PDE8B: variants seen among roughly 807,000 people sequenced by gnomAD.
The protein encoded by PDE8B is phosphodiesterase 8B.
PDE8B carries 26 observed loss-of-function variants against 101.3 expected under a neutral mutation model. The ratio of observed to expected loss-of-function variants is 0.26; its 90% CI spans 0.19 to 0.36. PDE8B has a LOEUF of 0.36. Among genes scored for constraint, PDE8B ranks in the 10% least tolerant of loss-of-function variants. The probability of loss-of-function intolerance (pLI) is 1.00; values close to 1 mark genes in which losing one functional copy is unlikely to be tolerated. For missense variants in PDE8B, 810 were observed against 1,163.1 expected, an observed-to-expected ratio of 0.70 and a Z score of 4.42; for synonymous variants, 424 against 429.3, an observed-to-expected ratio of 0.99 and a Z score of 0.15.
chr5:77,395,130 T>A (rs1397442942), intron 10 of PDE8B, among the ~76,000 whole-genome samples: 2 of 152,038 alleles, frequency 1.3e-5, no homozygotes, highest in Non-Finnish European at 2.9e-5. Flanking sequence ...TTCAATTTCT[T>A]TTTTGAGACA....
chr5:77,249,831 A>G (rs1473840018), intron 1 of PDE8B, among the ~76,000 whole-genome samples: 1 of 152,254 alleles, frequency 6.6e-6, no homozygotes, highest in Admixed American at 6.5e-5. Context: ...CAAGGATTCC[A>G]GAATGAAAAA....
rs532072246 is a variant in PDE8B, at chr5:77,296,107, G to A, written c.340-15887G>A. Among the ~76,000 whole-genome samples, 6 of 152,138 alleles carry A rather than the reference G, an allele frequency of 3.9e-5. No individual in the cohort carries two copies. The South Asian group carries it at 1.2e-3, about 32-fold the overall frequency. ...ATTGCTATAGCCAGGAAAATGAAAT[G>A]CTTAGTTATGGTTACCTGTCCTCCT... On this transcript the variant is annotated intron_variant, in intron 1 of 21. Coordinates refer to ENST00000264917, the MANE Select transcript of PDE8B (RefSeq NM_003719.5).
intron 1 of PDE8B, among the ~76,000 whole-genome samples, chr5:77,283,097 T>C (rs1765335653): frequency 6.6e-6 from 1 of 152,228 alleles, no homozygotes. Flanking sequence ...AGGATACAAA[T>C]AGCTTTACGT....
the PDE8B span, among the ~76,000 whole-genome samples, chr5:77,200,220 T>G: frequency 1.3e-5 from 2 of 152,000 alleles, no homozygotes; most frequent in Admixed American, 1.3e-4. Context: ...ATTTGGAATA[T>G]CCATAGTTTT....
the PDE8B span, among the ~76,000 whole-genome samples, chr5:77,097,803 C>G: frequency 7.4e-6 from 1 of 135,450 alleles, no homozygotes; most frequent in East Asian, 2.4e-4. Context: ...TCATCTTAAC[C>G]CATCACAGGT....
At chr5:77,122,076 A>T in the PDE8B span, among the ~76,000 whole-genome samples, 21 of 152,264 alleles carry the variant, frequency 1.4e-4, no homozygotes, top group African/African-American at 5.1e-4. Context: ...ATTTTCCACC[A>T]TTTGCTCTAG....
chr5:77,253,935 A>G (rs1392893770), intron 1 of PDE8B, among the ~76,000 whole-genome samples: 1 of 151,736 alleles, frequency 6.6e-6, no homozygotes, highest in East Asian at 1.9e-4. Context: ...ATAAATATGT[A>G]ACTATATTTT....
At chr5:77,267,980 A>G (rs1343128136) in intron 1 of PDE8B, among the ~76,000 whole-genome samples, 2 of 152,126 alleles carry the variant, frequency 1.3e-5, no homozygotes, top group African/African-American at 4.8e-5. Flanking sequence ...TTCCTTACAG[A>G]ACAGTTTGCA....
chr5:77,099,514 A>C, the PDE8B span, among the ~76,000 whole-genome samples: 218 of 152,290 alleles, frequency 1.4e-3, 1 homozygote, highest in East Asian at 0.012. Flanking sequence ...TACTGGCCTC[A>C]GTGTACTTGA....
chr5:77,408,114 G>A (rs1793843201), intron 13 of PDE8B, among the ~76,000 whole-genome samples: 1 of 152,198 alleles, frequency 6.6e-6, no homozygotes, highest in African/African-American at 2.4e-5. Flanking sequence ...TATTCTAGAA[G>A]TAGCTGAGCT....
chr5:77,261,452 G>A (rs1052760283), intron 1 of PDE8B, among the ~76,000 whole-genome samples: 2 of 152,230 alleles, frequency 1.3e-5, no homozygotes, highest in Non-Finnish European at 1.5e-5. Context: ...AGATTGGCAA[G>A]ACTATGGCAA....
chr5:77,318,055 C>CAAAAAAAAAAAAAAAAA (rs55952764), intron 2 of PDE8B, among the ~76,000 whole-genome samples: 1 of 57,190 alleles, frequency 1.7e-5, no homozygotes, highest in African/African-American at 7.1e-5. Flanking sequence ...GACTCCATCT[C>CAAAAAAAAAAAAAAAAA]AAAAAAAAAA....
In PDE8B at chr5:77,418,223, T is replaced by C. The variant is rs751443956; in HGVS notation, c.1912-6T>C. ...TAATGCTCAACCTTGCCTCCCCATA[T>C]CCCAGGGAAGCCTCGATCAGTTGGA... On this transcript the variant is annotated splice_region_variant and splice_polypyrimidine_tract_variant and intron_variant, in intron 17 of 21. Transcript: ENST00000264917. 2.5e-6 allele frequency: 4 copies of C among 1,596,836 alleles called. No homozygotes were observed. In the East Asian group the frequency reaches 8.9e-5, roughly 36 times the overall value.
At position 77,426,938 on chromosome 5, in the gene PDE8B, C is replaced by T. The variant is rs941971174; in HGVS notation, c.*384C>T. The T allele has an allele frequency of 8.1e-5, 22 of 269,996 alleles. No individual in the cohort carries two copies. Among genetic ancestry groups the T allele is most frequent in the African/African-American group, 4.2e-4 (19 of 44,746 alleles). 16.7% of individuals were successfully genotyped at this position (269,996 alleles called of 1,614,324 possible). The stretch of plus-strand genomic sequence containing the variant: ...TAGCTTAGCTAGTGATCAGCTCATC[C>T]TTTACCATAAAAGTCATCATTGCTG... On this transcript the variant is annotated 3_prime_UTR_variant, in exon 22 of 22. Transcript: ENST00000264917.
chr5:77,194,502 G>T, the PDE8B span, among the ~76,000 whole-genome samples: 6 of 152,078 alleles, frequency 3.9e-5, no homozygotes, highest in African/African-American at 1.4e-4. Context: ...TTAAGTATGT[G>T]CACAATGTTG....
upstream of PDE8B, chr5:77,210,667 C>T: frequency 2.0e-6 from 2 of 980,798 alleles, no homozygotes; most frequent in African/African-American, 1.8e-5. The surrounding 1 kb of genome is among the most constrained non-coding windows in gnomAD (Gnocchi z 4.9). Flanking sequence ...GCCGCTGGTG[C>T]GCGCGGGGCG....
intron 20 of PDE8B, among the ~76,000 whole-genome samples, chr5:77,425,167 T>C (rs1453058426): frequency 1.3e-5 from 2 of 152,232 alleles, no homozygotes; most frequent in Non-Finnish European, 2.9e-5. Flanking sequence ...TTGTATGACA[T>C]TGAACAGAGC....
chr5:77,272,150 C>G (rs192270846), intron 1 of PDE8B, among the ~76,000 whole-genome samples: 1 of 152,006 alleles, frequency 6.6e-6, no homozygotes, highest in East Asian at 1.9e-4. Context: ...TGGAGCATGC[C>G]GAGGGCAGAG....
chr5:77,127,147 T>A, the PDE8B span, among the ~76,000 whole-genome samples: 1 of 152,198 alleles, frequency 6.6e-6, no homozygotes, highest in Admixed American at 6.5e-5. Context: ...CCTGCCTGTA[T>A]ACATTACCCA....
Sources: allele counts gnomAD v4.1 joint callset (sites outside exome capture counted in the v4.1 genomes callset), GRCh38; gene constraint gnomAD v4.1.1; non-coding constraint Gnocchi (gnomAD v3.1); transcripts MANE v1.5; gene names NCBI Gene and HGNC (gene_info 2026-07-23, HGNC 2026-07-21).